Variants in PI4KA observed in about 807,000 individuals in gnomAD.
PI4KA encodes phosphatidylinositol 4-kinase alpha.
PI4KA carries 122 observed loss-of-function variants against 271.4 expected under a neutral mutation model. The observed-to-expected ratio is 0.45, with a 90% CI of 0.39 to 0.52. The LOEUF is 0.52. Ranked by LOEUF, PI4KA falls within the 20% of genes least tolerant of loss-of-function variation. PI4KA has a pLI of 0.00. For synonymous variants in PI4KA, 1,041 were observed against 1,078.8 expected, an observed-to-expected ratio of 0.96 and a Z score of 0.69; for missense variants, 1,969 against 2,769.1, an observed-to-expected ratio of 0.71 and a Z score of 6.48.
intron 1 of PI4KA, among the ~76,000 whole-genome samples, chr22:20,848,237 CAAA>C (rs60503165): frequency 5.9e-5 from 3 of 51,244 alleles, no homozygotes; most frequent in Non-Finnish European, 7.8e-5. Flanking sequence ...GACTCCATCT[CAAA>C]AAAAAAAAAA....
intron 16 of PI4KA, 101 bp downstream of exon 16, chr22:20,798,992 T>A: frequency 1.1e-6 from 1 of 951,548 alleles, no homozygotes; most frequent in South Asian, 1.7e-5. Context: ...ATTTAGCTCA[T>A]CTGCAAGGTA....
Position 20,850,874 on chromosome 22 carries a change from TA to T in PI4KA, c.156+7695del, listed in dbSNP as rs947998164. 2.2e-3 allele frequency among the ~76,000 whole-genome samples: 341 copies of T among 152,120 alleles called. 2 individuals carry two copies. Among genetic ancestry groups the T allele is most frequent in the Admixed American group, 4.8e-3 (73 of 15,278 alleles). ...GGGCAAGATAGTAAGACCCCATCTCTAAAAAAATTTTTCTTTTTTTACTTAG... is the reference window on the plus strand; with the variant it reads ...GGGCAAGATAGTAAGACCCCATCTCTAAAAAATTTTTCTTTTTTTACTTAG... On this transcript the variant is annotated intron_variant, in intron 1 of 54. Transcript: ENST00000255882.
chr22:20,785,074 T>TA (rs1934114461), intron 19 of PI4KA, among the ~76,000 whole-genome samples: 1 of 151,220 alleles, frequency 6.6e-6, no homozygotes, highest in African/African-American at 2.4e-5. Context: ...CATCTTTTTT[T>TA]TTTTTTTTTT....
rs1385361994 is a variant in PI4KA, at chr22:20,712,431, C to T, written c.5802+55G>A. The T allele has an allele frequency of 5.0e-6, 8 of 1,594,444 alleles. No individual in the cohort carries two copies. In the Admixed American group the frequency reaches 8.9e-5, roughly 18 times the overall value. ...GTGGGTGGAGGCTGGGTATGGGTGGCTGGGGTGGGGTGGAGCACACACGAC... is the reference window on the plus strand; with the variant it reads ...GTGGGTGGAGGCTGGGTATGGGTGGTTGGGGTGGGGTGGAGCACACACGAC... On this transcript the variant is annotated intron_variant, in intron 50 of 54. Transcript: ENST00000255882.
In PI4KA at chr22:20,742,595, T is replaced by C. The variant is rs1238885668; in HGVS notation, c.3613+13A>G. 1.9e-6 allele frequency: 3 copies of C among 1,613,868 alleles called. No homozygotes were observed. Among genetic ancestry groups the C allele is most frequent in the Admixed American group, 3.3e-5 (2 of 59,980 alleles). On this transcript the variant is annotated intron_variant, in intron 31 of 54. Coordinates refer to ENST00000255882, the MANE Select transcript of PI4KA (RefSeq NM_058004.4). ...AAACGAGCCCAGAATTCCACAGTGC[T>C]TCAGTGAGTTACCTTTACTGCTAAT...
chr22:20,840,638 G>T (rs1442351764), intron 1 of PI4KA, among the ~76,000 whole-genome samples: 1 of 152,184 alleles, frequency 6.6e-6, no homozygotes, highest in Non-Finnish European at 1.5e-5. Context: ...GACCAGTTCA[G>T]GATGTGTTTT....
chr22:20,815,821 T>C (rs1223983100), intron 7 of PI4KA, among the ~76,000 whole-genome samples: 1 of 152,108 alleles, frequency 6.6e-6, no homozygotes. Flanking sequence ...CCATGAAATA[T>C]GGGCTAAGTC....
intron 27 of PI4KA, 47 bp downstream of exon 27, chr22:20,751,246 A>C: frequency 7.0e-7 from 1 of 1,427,914 alleles, no homozygotes; most frequent in Non-Finnish European, 9.9e-7. Flanking sequence ...TACTCAGGGA[A>C]TTGTGGTAAA....
intron 4 of PI4KA, among the ~76,000 whole-genome samples, chr22:20,822,949 T>C (rs2147709274): frequency 6.6e-6 from 1 of 152,364 alleles, no homozygotes; most frequent in South Asian, 2.1e-4. Context: ...AGTCTCACTC[T>C]GTTATCCAGG....
intron 32 of PI4KA, among the ~76,000 whole-genome samples, chr22:20,739,206 C>T (rs564775238): frequency 2.0e-3 from 298 of 149,368 alleles, no homozygotes; most frequent in African/African-American, 6.7e-3. Context: ...ATTAGCCGGG[C>T]GTGGTGGCAG....
chr22:20,790,927 G>T (rs1934603544), intron 19 of PI4KA, among the ~76,000 whole-genome samples: 1 of 152,028 alleles, frequency 6.6e-6, no homozygotes, highest in Admixed American at 6.5e-5. Context: ...CATGTAAGAG[G>T]TCACATCAGG....
intron 19 of PI4KA, chr22:20,780,017 C>T (rs1462735586): frequency 1.2e-6 from 2 of 1,614,064 alleles, no homozygotes; most frequent in African/African-American, 2.7e-5. Context: ...TCCTGCTTGA[C>T]TTCAAAACTA....
intron 23 of PI4KA, among the ~76,000 whole-genome samples, chr22:20,759,897 A>C (rs1568998792): frequency 6.6e-6 from 1 of 151,804 alleles, no homozygotes; most frequent in Non-Finnish European, 1.5e-5. Context: ...ACGGGGTTTC[A>C]CCATGTTGGC....
rs557718249 is a variant in PI4KA at position 20,712,824 on chromosome 22, G to A, written c.5572-27C>T. 1.1e-4 allele frequency: 173 copies of A among 1,550,578 alleles called. No individual in the cohort carries two copies. In the South Asian group the frequency reaches 1.8e-3, roughly 16 times the overall value. On this transcript the variant is annotated intron_variant, in intron 48 of 54. Coordinates refer to ENST00000255882, the MANE Select transcript of PI4KA (RefSeq NM_058004.4). ...TGGGAAGCCGGGAGGCGCAGGATGC[G>A]GTCAGTTGGCGTCCTTGCACCCCAG...
intron 1 of PI4KA, among the ~76,000 whole-genome samples, chr22:20,841,479 A>G (rs1455999886): frequency 6.6e-6 from 1 of 152,202 alleles, no homozygotes; most frequent in Non-Finnish European, 1.5e-5. Flanking sequence ...AAACATTTAA[A>G]TAGAAATAAT....
intron 22 of PI4KA, among the ~76,000 whole-genome samples, chr22:20,763,001 T>C (rs1360344623): frequency 1.1e-5 from 1 of 93,374 alleles, no homozygotes; most frequent in East Asian, 3.4e-4. Context: ...TGGCTAGGTT[T>C]TTTTGCTTTT....
chr22:20,735,341 A>G (rs1928582542), intron 32 of PI4KA, among the ~76,000 whole-genome samples: 1 of 150,084 alleles, frequency 6.7e-6, no homozygotes, highest in Non-Finnish European at 1.5e-5. Flanking sequence ...AGCTTCTACA[A>G]GGGCTCCAAG....
Position 20,799,775 on chromosome 22 carries a change from CA to C in PI4KA, c.1725-10del. ...ATCCAGCCTTCAGGCACCTGAGGAGCAAGAAAACCCATGTGGCACTGAGGCA... is the reference window on the plus strand; with the variant it reads ...ATCCAGCCTTCAGGCACCTGAGGAGCAGAAAACCCATGTGGCACTGAGGCA... On this transcript the variant is annotated splice_polypyrimidine_tract_variant and intron_variant, in intron 14 of 54. Coordinates refer to ENST00000255882, the MANE Select transcript of PI4KA (RefSeq NM_058004.4). 6.5e-7 allele frequency: 1 copy of C among 1,534,990 alleles called. No homozygotes were observed. The highest frequency in any genetic ancestry group is 8.8e-7 in the Non-Finnish European group (1 of 1,133,348).
chr22:20,715,259 TG>T (rs1199575354), intron 45 of PI4KA, among the ~76,000 whole-genome samples: 2 of 150,742 alleles, frequency 1.3e-5, no homozygotes, highest in Non-Finnish European at 3.0e-5. Context: ...TTAGTAGAGA[TG>T]GGGTTTCACC....
Sources: gnomAD v4.1 joint callset for allele counts (sites outside exome capture counted in the v4.1 genomes callset) on GRCh38, gnomAD v4.1.1 for gene constraint, MANE v1.5 for transcripts, NCBI Gene and HGNC (gene_info 2026-07-23, HGNC 2026-07-21) for gene names.